CCDC77: variants seen among roughly 807,000 people sequenced by gnomAD.
CCDC77 encodes the protein coiled-coil domain containing 77, also known as coiled-coil domain-containing protein 77.
A neutral mutation model predicts 66.8 loss-of-function variants in CCDC77; 56 were observed. That is an observed-to-expected ratio of 0.84 (90% CI 0.68 to 1.05). The LOEUF is 1.05. Among genes scored for constraint, CCDC77 ranks in the 50% least tolerant of loss-of-function variants. The probability of loss-of-function intolerance (pLI) is 0.00; values close to 1 mark genes in which losing one functional copy is unlikely to be tolerated. For synonymous variants in CCDC77, 196 were observed against 195.2 expected (o/e 1.00, Z -0.03); for missense variants, 570 against 576.8 (o/e 0.99, Z 0.12).
intron 1 of CCDC77, among the ~76,000 whole-genome samples, chr12:394,475 C>T (rs7138958): frequency 0.61 from 92,355 of 152,078 alleles, 29,832 homozygotes; most frequent in Non-Finnish European, 0.73. Context: ...GAGGGACCAG[C>T]GTTTTACCCA....
At chr12:402,938 G>A (rs1369216828) in intron 1 of CCDC77, among the ~76,000 whole-genome samples, 3 of 152,166 alleles carry the variant, frequency 2.0e-5, no homozygotes, top group Non-Finnish European at 4.4e-5. Context: ...GGGCATGTTT[G>A]GATAAAAAGA....
At chr12:413,619 G>A (rs1945160591) in intron 4 of CCDC77, among the ~76,000 whole-genome samples, 1 of 145,980 alleles carries the variant, frequency 6.9e-6, no homozygotes, top group Non-Finnish European at 1.5e-5. Context: ...CCCATTCACT[G>A]AATGGGATTT....
At position 412,110 on chromosome 12, in the gene CCDC77, A is replaced by AT. The variant is rs1039626859; in HGVS notation, c.270+134dup. ...TCCTTTTTTATTCCCCAGCCCAGCT[A>AT]TTGCCCCTTCAGGCCCTCCTTGGAT... On this transcript the variant is annotated intron_variant, in intron 4 of 12. Coordinates refer to ENST00000239830, the MANE Select transcript of CCDC77 (RefSeq NM_032358.4). 5 of 713,852 alleles carry AT rather than the reference A, an allele frequency of 7.0e-6. No individual in the cohort carries two copies. In the African/African-American group the frequency reaches 9.0e-5, roughly 13 times the overall value. 44.2% of individuals were successfully genotyped at this position (713,852 alleles called of 1,614,324 possible).
intron 5 of CCDC77, among the ~76,000 whole-genome samples, chr12:423,474 TTTGTG>T (rs757625313): frequency 1.3e-4 from 4 of 31,316 alleles, no homozygotes; most frequent in Admixed American, 1.1e-3. Flanking sequence ...TTTTGTGTTT[TTTGTG>T]TTTTTTTTTG....
chr12:414,978 G>GT (rs1945196288), intron 4 of CCDC77, among the ~76,000 whole-genome samples: 1 of 151,962 alleles, frequency 6.6e-6, no homozygotes, highest in African/African-American at 2.4e-5. Context: ...ATAGGCTTTT[G>GT]TTTTTTGGAG....
upstream of CCDC77, among the ~76,000 whole-genome samples, chr12:398,194 T>C (rs1316585280): frequency 2.6e-5 from 4 of 152,248 alleles, no homozygotes; most frequent in Non-Finnish European, 5.9e-5. Context: ...TGCTGTTTGA[T>C]AGCATTTTAC....
intron 1 of CCDC77, among the ~76,000 whole-genome samples, chr12:403,413 C>G (rs1215896223): frequency 6.6e-6 from 1 of 152,220 alleles, no homozygotes; most frequent in Non-Finnish European, 1.5e-5. Flanking sequence ...CTGAGGTACA[C>G]AGCTAATAAG....
chr12:411,369 G>T (rs138289656), intron 3 of CCDC77, among the ~76,000 whole-genome samples: 1 of 150,174 alleles, frequency 6.7e-6, no homozygotes, highest in African/African-American at 2.5e-5. Context: ...TGGTAGAGAC[G>T]GGGTTTCACC....
At chr12:427,200 A>G (rs148822755) in intron 5 of CCDC77, among the ~76,000 whole-genome samples, 1,603 of 151,822 alleles carry the variant, frequency 0.011, 36 homozygotes, top group African/African-American at 0.036. Context: ...AGCTGAGATC[A>G]TGCCATTGCA....
chr12:433,288 A>G lies in CCDC77; in HGVS notation c.787A>G (p.Arg263Gly). The G allele has an allele frequency of 6.2e-7, 1 of 1,614,124 alleles. No individual in the cohort carries two copies. The highest frequency in any genetic ancestry group is 1.6e-4 in the Middle Eastern group (1 of 6,062). ...HLEEIQVQHQ[R>G]NQNKIKELTK... ...TGAGGAAATACAAGTTCAGCACCAGAGAAATCAGAACAAAATCAAAGAGCT... is the reference window on the plus strand; with the variant it reads ...TGAGGAAATACAAGTTCAGCACCAGGGAAATCAGAACAAAATCAAAGAGCT... Residue 263 changes from arginine (R) to glycine (G), a missense_variant, in exon 9 of 13, where the codon AGA becomes GGA. Transcript: ENST00000239830.
At chr12:418,162 T>G (rs1305511069) in intron 4 of CCDC77, among the ~76,000 whole-genome samples, 1 of 151,814 alleles carries the variant, frequency 6.6e-6, no homozygotes, top group East Asian at 1.9e-4. Context: ...CTACTAAAAA[T>G]ACAAAAATTA....
intron 4 of CCDC77, among the ~76,000 whole-genome samples, chr12:412,959 G>A (rs1282253074): frequency 6.7e-6 from 1 of 150,308 alleles, no homozygotes; most frequent in East Asian, 1.9e-4. Context: ...TTTTTTTTGA[G>A]ACGGAGTCTC....
At chr12:390,781 C>T (rs1207818620) in intron 1 of CCDC77, among the ~76,000 whole-genome samples, 1 of 149,844 alleles carries the variant, frequency 6.7e-6, no homozygotes, top group Non-Finnish European at 1.5e-5. Context: ...TTCTGTTTCT[C>T]TGGAGAACCG....
intron 3 of CCDC77, among the ~76,000 whole-genome samples, chr12:410,827 T>C (rs568093149): frequency 1.3e-5 from 2 of 152,366 alleles, no homozygotes; most frequent in South Asian, 4.1e-4. Flanking sequence ...ATTACAGGCA[T>C]GAGCCACTGC....
chr12:409,221 AAAAG>A, intron 2 of CCDC77, 143 bp from the exon 3 acceptor site: 1 of 645,744 alleles, frequency 1.5e-6, no homozygotes. Flanking sequence ...AAAAAAAAAA[AAAAG>A]AAAAAAAAAA....
At chr12:389,504 G>T (rs1484511461) in intron 1 of CCDC77, 2 of 287,832 alleles carry the variant, frequency 6.9e-6, no homozygotes, top group South Asian at 3.7e-5. Flanking sequence ...GTCGGGGAGG[G>T]GCACAAGCTC....
At chr12:416,662 G>A (rs901175266) in intron 4 of CCDC77, among the ~76,000 whole-genome samples, 4 of 150,604 alleles carry the variant, frequency 2.7e-5, no homozygotes, top group Non-Finnish European at 4.4e-5. Context: ...GATCTGCCAC[G>A]CCTGGCGTGT....
intron 10 of CCDC77, among the ~76,000 whole-genome samples, chr12:439,519 CAAA>C (rs371144805): frequency 7.2e-6 from 1 of 138,026 alleles, no homozygotes. Context: ...GACTCCATCT[CAAA>C]AAAAAAAAAG....
chr12:407,188 A>G (rs754963398), intron 2 of CCDC77, among the ~76,000 whole-genome samples: 3 of 152,196 alleles, frequency 2.0e-5, no homozygotes, highest in Non-Finnish European at 4.4e-5. Context: ...CAATGAGGGC[A>G]TAGGTGATAA....
Sources: allele counts gnomAD v4.1 joint callset (sites outside exome capture counted in the v4.1 genomes callset), GRCh38; gene constraint gnomAD v4.1.1; transcripts MANE v1.5; gene names NCBI Gene and HGNC (gene_info 2026-07-23, HGNC 2026-07-21).